STAMBP: variants seen among roughly 807,000 people sequenced by gnomAD.
STAMBP encodes STAM binding protein, also known as STAM-binding protein.
Under a neutral mutation model 50.7 loss-of-function variants are expected in STAMBP, and 31 were observed. That is an observed-to-expected ratio of 0.61 (90% CI 0.46 to 0.83). The LOEUF (loss-of-function observed/expected upper bound fraction) is 0.83, where lower values mean the gene tolerates loss of function less well. STAMBP is among the 40% of genes least tolerant of loss of function. The probability of loss-of-function intolerance (pLI) is 0.00; values close to 1 mark genes in which losing one functional copy is unlikely to be tolerated. For synonymous variants in STAMBP, 211 were observed against 192.4 expected (o/e 1.10, Z -0.80); for missense variants, 472 against 518.9 (o/e 0.91, Z 0.88).
At chr2:73,839,057 A>G (rs1190342584) in intron 2 of STAMBP, among the ~76,000 whole-genome samples, 1 of 152,184 alleles carries the variant, frequency 6.6e-6, no homozygotes, top group Non-Finnish European at 1.5e-5. Context: ...GGGAGTATAC[A>G]TCTGCCTCAC....
chr2:73,839,116 G>A (rs1024720867), intron 2 of STAMBP, among the ~76,000 whole-genome samples: 26 of 152,168 alleles, frequency 1.7e-4, no homozygotes, highest in African/African-American at 5.8e-4. Flanking sequence ...TAGACCTTTT[G>A]TGGATACTTT....
At chr2:73,857,537 G>A (rs536791700) in intron 7 of STAMBP, among the ~76,000 whole-genome samples, 2 of 152,260 alleles carry the variant, frequency 1.3e-5, no homozygotes, top group Admixed American at 6.5e-5. Context: ...CAGCCTTGGT[G>A]ACCTCTGGGA....
chr2:73,873,214 TAATA>T (rs1480355394), intron 10 of STAMBP: 1 of 152,242 alleles, frequency 6.6e-6, no homozygotes, highest in East Asian at 1.9e-4. Context: ...ACTGACATTT[TAATA>T]AATATTTAGT....
chr2:73,859,203 G>A (rs1573394700), intron 7 of STAMBP, 51 bp from the exon 8 acceptor site: 2 of 1,450,564 alleles, frequency 1.4e-6, no homozygotes, highest in East Asian at 2.3e-5. Flanking sequence ...AATAAGGAGG[G>A]ATTACCATAT....
intron 2 of STAMBP, among the ~76,000 whole-genome samples, chr2:73,838,819 G>A (rs1345132590): frequency 6.6e-6 from 1 of 152,170 alleles, no homozygotes; most frequent in Non-Finnish European, 1.5e-5. Flanking sequence ...GAATTTTGTT[G>A]TATTGGCCTT....
Position 73,847,704 on chromosome 2 carries a change from T to C in STAMBP, c.693T>C (p.Pro231=), listed in dbSNP as rs1558577379. 2 of 1,614,184 alleles carry C rather than the reference T, an allele frequency of 1.2e-6. No homozygotes were observed. The highest frequency in any genetic ancestry group is 3.3e-5 in the Admixed American group (2 of 60,020). ...CHTTVRPAKP[P]VVDRSLKPGA... ...CAACTGTAAGGCCAGCTAAGCCACC[T>C]GTGGTGGACAGGTCCTTGAAACCTG... The change falls in exon 5 of 10, where the codon CCT becomes CCC. Residue 231 remains proline (P), a synonymous_variant. Coordinates refer to ENST00000394070, the MANE Select transcript of STAMBP (RefSeq NM_213622.4).
Position 73,847,600 on chromosome 2 carries a change from G to C in STAMBP, c.589G>C (p.Val197Leu). Residue 197 changes from valine (V) to leucine (L), a missense_variant, in exon 5 of 10, where the codon GTG becomes CTG. By Grantham distance (32) the Val-to-Leu change is conservative. Transcript: ENST00000394070. ...AGACCCTGGCCTAGGTGGCCCGCTAGTGCCTGACTTGGAGAAGCCCTCCTT... is the reference window on the plus strand; with the variant it reads ...AGACCCTGGCCTAGGTGGCCCGCTACTGCCTGACTTGGAGAAGCCCTCCTT... Reference protein sequence around the residue: ...KVDPGLGGPLVPDLEKPSLDV... With the variant: ...KVDPGLGGPLLPDLEKPSLDV... The C allele has an allele frequency of 6.2e-7, 1 of 1,614,200 alleles. No homozygotes were observed. Among genetic ancestry groups the C allele is most frequent in the Non-Finnish European group, 8.5e-7 (1 of 1,180,030 alleles).
At chr2:73,837,441 C>T (rs1674845431) in intron 2 of STAMBP, among the ~76,000 whole-genome samples, 1 of 151,788 alleles carries the variant, frequency 6.6e-6, no homozygotes, top group Admixed American at 6.6e-5. Flanking sequence ...AAAAATAAGC[C>T]TGGCATGGTG....
At chr2:73,842,685 T>C (rs944651151) in intron 2 of STAMBP, among the ~76,000 whole-genome samples, 1 of 152,256 alleles carries the variant, frequency 6.6e-6, no homozygotes, top group East Asian at 1.9e-4. Flanking sequence ...GGTTTTGTTA[T>C]ATGTCATTGT....
intron 2 of STAMBP, among the ~76,000 whole-genome samples, chr2:73,844,465 A>C (rs1675816996): frequency 6.6e-6 from 1 of 152,238 alleles, no homozygotes; most frequent in South Asian, 2.1e-4. Context: ...TATGTGACAG[A>C]AGCCCTTTCC....
At chr2:73,844,716 T>C in intron 2 of STAMBP, 97 bp from the exon 3 acceptor site, 2 of 1,005,374 alleles carry the variant, frequency 2.0e-6, no homozygotes, top group Non-Finnish European at 3.0e-6. Context: ...CTGGAACCTT[T>C]CATATAAGGG....
rs1452479830 is a variant in STAMBP at position 73,850,198 on chromosome 2, A to G, written c.868-178A>G. Among the ~76,000 whole-genome samples the G allele has an allele frequency of 6.6e-6, 1 of 152,202 alleles. No individual in the cohort carries two copies. The highest frequency in any genetic ancestry group is 1.5e-5 in the Non-Finnish European group (1 of 68,032). On this transcript the variant is annotated intron_variant, in intron 6 of 9. Transcript: ENST00000394070. The surrounding 1 kb of genome is among the most constrained non-coding windows in gnomAD (Gnocchi z 4.3). ...GGTCTCTGCATCTGTCGCTGTACAG[A>G]GTACCCCAGGCAATGTGCATCAGCA...
intron 7 of STAMBP, among the ~76,000 whole-genome samples, chr2:73,852,117 G>A (rs890778891): frequency 1.3e-5 from 2 of 152,136 alleles, no homozygotes; most frequent in African/African-American, 4.8e-5. Context: ...GGTAGGTTGT[G>A]GCAAGGAGAT....
chr2:73,844,548 G>C (rs1017756370), intron 2 of STAMBP: 2 of 245,860 alleles, frequency 8.1e-6, no homozygotes, highest in Admixed American at 5.5e-5. Flanking sequence ...CACAAGAAAG[G>C]CTTTTTAAAA....
intron 5 of STAMBP, 145 bp from the exon 6 acceptor site, chr2:73,849,218 C>T: frequency 1.7e-6 from 2 of 1,145,618 alleles, no homozygotes; most frequent in East Asian, 2.5e-5. Context: ...TTTTTTGGTG[C>T]CATTAGAATG....
chr2:73,862,255 G>C lies in STAMBP; in HGVS notation c.1271G>C (p.Arg424Pro), dbSNP rs780714201. ...AGAGCAGTGACCATCACAGACCTTC[G>C]ATGAGCGTTTGAGTCCAACACCTTC... Reference protein sequence around the residue: ...VDRAVTITDLR With the variant: ...VDRAVTITDLP Residue 424 changes from arginine to proline, a missense_variant, in exon 10 of 10, where the codon CGA (arginine) becomes CCA (proline). Physicochemically the swap from Arg to Pro is moderately radical, Grantham distance 103 (BLOSUM62 -2). Coordinates refer to ENST00000394070, the MANE Select transcript of STAMBP (RefSeq NM_213622.4). 3.7e-6 allele frequency: 6 copies of C among 1,611,656 alleles called. No homozygotes were observed. The highest frequency in any genetic ancestry group is 1.1e-5 in the South Asian group (1 of 90,706).
exon 11 of STAMBP, chr2:73,873,365 A>C (rs1211900122): frequency 6.6e-6 from 1 of 152,202 alleles, no homozygotes; most frequent in African/African-American, 2.4e-5. Flanking sequence ...ACCAAGATGG[A>C]GGAACAGAGC....
At chr2:73,831,515 A>G (rs1338370138) in intron 2 of STAMBP, among the ~76,000 whole-genome samples, 1 of 152,186 alleles carries the variant, frequency 6.6e-6, no homozygotes, top group Non-Finnish European at 1.5e-5. Flanking sequence ...ATCATCAAAT[A>G]ATTAGTAACT....
At chr2:73,861,817 G>C (rs1330591912) in intron 9 of STAMBP, among the ~76,000 whole-genome samples, 2 of 147,284 alleles carry the variant, frequency 1.4e-5, no homozygotes, top group Non-Finnish European at 3.0e-5. Flanking sequence ...GTGAGCCACC[G>C]CACCCAGCCA....
Sources: gnomAD v4.1 joint callset for allele counts (sites outside exome capture counted in the v4.1 genomes callset) on GRCh38, gnomAD v4.1.1 for gene constraint, Gnocchi (gnomAD v3.1) non-coding constraint, MANE v1.5 for transcripts, NCBI Gene and HGNC (gene_info 2026-07-23, HGNC 2026-07-21) for gene names.